CREB5: variants seen among roughly 807,000 people sequenced by gnomAD.
The protein encoded by CREB5 is cyclic AMP-responsive element-binding protein 5.
Under a neutral mutation model 57.1 loss-of-function variants are expected in CREB5, and 19 were observed. That is an observed-to-expected ratio of 0.33 (90% CI 0.23 to 0.49). The LOEUF (loss-of-function observed/expected upper bound fraction) is 0.49, where lower values mean the gene tolerates loss of function less well. Ranked by LOEUF, CREB5 falls within the 20% of genes least tolerant of loss-of-function variation. The pLI is 0.99. For missense variants in CREB5, 579 were observed against 671.6 expected, an observed-to-expected ratio of 0.86 and a Z score of 1.52; for synonymous variants, 238 against 238.3, an observed-to-expected ratio of 1.00 and a Z score of 0.01.
intron 4 of CREB5, among the ~76,000 whole-genome samples, chr7:28,537,464 GCA>G (rs1209966540): frequency 1.0e-5 from 1 of 95,260 alleles, no homozygotes; most frequent in East Asian, 3.3e-4. Flanking sequence ...CTCACCTGAT[GCA>G]AATGCCTCAG....
intron 3 of CREB5, among the ~76,000 whole-genome samples, chr7:28,502,098 AGCACT>A (rs977504638): frequency 6.6e-6 from 1 of 152,162 alleles, no homozygotes; most frequent in Admixed American, 6.5e-5. Context: ...GTCCCATTGT[AGCACT>A]GCCTTTCAGG....
At chr7:28,432,894 TTCATCCATA>T (rs1219495524) in intron 1 of CREB5, among the ~76,000 whole-genome samples, 1 of 152,244 alleles carries the variant, frequency 6.6e-6, no homozygotes, top group Non-Finnish European at 1.5e-5. Context: ...AATCTATGTC[TTCATCCATA>T]TCATCTAGCT....
intron 1 of CREB5, among the ~76,000 whole-genome samples, chr7:28,326,207 A>G (rs906587623): frequency 4.1e-5 from 5 of 121,652 alleles, no homozygotes; most frequent in African/African-American, 1.4e-4. Context: ...CTATCTATCT[A>G]TCTACCTATC....
chr7:28,346,322 GT>G (rs1161229946), intron 1 of CREB5, among the ~76,000 whole-genome samples: 1 of 152,222 alleles, frequency 6.6e-6, no homozygotes, highest in Non-Finnish European at 1.5e-5. Context: ...CTGAGGGCCT[GT>G]TCCCAGTTGG....
At chr7:28,560,875 CGTGCGTGCGT>C (rs66612473) in intron 4 of CREB5, among the ~76,000 whole-genome samples, 1 of 19,220 alleles carries the variant, frequency 5.2e-5, no homozygotes, top group Non-Finnish European at 9.9e-5. Context: ...CCTGCGTGCG[CGTGCGTGCGT>C]GCGTGTGTGT....
intron 4 of CREB5, among the ~76,000 whole-genome samples, chr7:28,555,445 C>A (rs551857686): frequency 6.6e-6 from 1 of 152,142 alleles, no homozygotes; most frequent in Non-Finnish European, 1.5e-5. Context: ...TTTAAAAAGG[C>A]GTTTTGTACT....
intron 6 of CREB5, 138 bp downstream of exon 6, chr7:28,719,017 G>C (rs1437217500): frequency 4.3e-6 from 6 of 1,394,960 alleles, no homozygotes; most frequent in Admixed American, 2.5e-5. Flanking sequence ...TGAGCTGTGT[G>C]CAATTTTGCT....
At chr7:28,641,206 G>A (rs1370908748) in intron 5 of CREB5, among the ~76,000 whole-genome samples, 1 of 152,128 alleles carries the variant, frequency 6.6e-6, no homozygotes, top group Non-Finnish European at 1.5e-5. Flanking sequence ...GATTCTCCCA[G>A]AACTCAGGAG....
intron 1 of CREB5, among the ~76,000 whole-genome samples, chr7:28,336,213 A>T (rs1354136121): frequency 2.0e-5 from 3 of 152,124 alleles, no homozygotes; most frequent in Non-Finnish European, 4.4e-5. Context: ...GCCTCTTAGA[A>T]TTAGTTTGAA....
chr7:28,620,177 C>T (rs941014655), intron 5 of CREB5, among the ~76,000 whole-genome samples: 4 of 152,286 alleles, frequency 2.6e-5, no homozygotes, highest in African/African-American at 9.6e-5. Flanking sequence ...ATAGATTCTT[C>T]TAGAAAAACT....
At chr7:28,666,915 A>AAG (rs1359851832) in intron 5 of CREB5, among the ~76,000 whole-genome samples, 1 of 151,818 alleles carries the variant, frequency 6.6e-6, no homozygotes, top group African/African-American at 2.4e-5. Flanking sequence ...GCCTGGACAA[A>AAG]AGAGAGAGAC....
At chr7:28,550,788 T>C (rs1283431439) in intron 4 of CREB5, among the ~76,000 whole-genome samples, 1 of 152,234 alleles carries the variant, frequency 6.6e-6, no homozygotes, top group Admixed American at 6.5e-5. Context: ...GTGAATGCGC[T>C]ATTAAGGGAC....
rs187122667 is a variant in CREB5, at chr7:28,721,116, C to T, written c.591+2237C>T. Among the ~76,000 whole-genome samples the T allele has an allele frequency of 4.4e-4, 67 of 152,230 alleles. No homozygotes were observed. In the South Asian group the frequency reaches 5.6e-3, roughly 13 times the overall value. ...GGCAATAGGCGTCAGTTTAGAGCAG[C>T]GATGCTCACCTGGGGGTGATTTTGT... On this transcript the variant is annotated intron_variant, in intron 6 of 10. Transcript: ENST00000357727.
chr7:28,405,729 A>G (rs1255136331), intron 1 of CREB5, among the ~76,000 whole-genome samples: 2 of 152,168 alleles, frequency 1.3e-5, no homozygotes, highest in East Asian at 1.9e-4. Flanking sequence ...GATCTCAAGC[A>G]TATGAACTTT....
chr7:28,720,360 A>T (rs1212410861), intron 6 of CREB5, among the ~76,000 whole-genome samples: 1 of 152,200 alleles, frequency 6.6e-6, no homozygotes, highest in African/African-American at 2.4e-5. Flanking sequence ...TCCTGTGGGG[A>T]TACAGTAGCA....
intron 2 of CREB5, among the ~76,000 whole-genome samples, chr7:28,489,800 G>T (rs868498499): frequency 6.6e-6 from 1 of 152,176 alleles, no homozygotes; most frequent in Non-Finnish European, 1.5e-5. Flanking sequence ...AATAAGAAGA[G>T]CAGTGCAAAA....
At chr7:28,328,261 A>G (rs1193393983) in intron 1 of CREB5, among the ~76,000 whole-genome samples, 5 of 152,224 alleles carry the variant, frequency 3.3e-5, no homozygotes, top group African/African-American at 1.2e-4. Flanking sequence ...CCTTCTTAGT[A>G]AAATCCAATT....
intron 1 of CREB5, among the ~76,000 whole-genome samples, chr7:28,301,396 G>A (rs1785096363): frequency 6.6e-6 from 1 of 152,198 alleles, no homozygotes; most frequent in African/African-American, 2.4e-5. Context: ...TGTTCATACA[G>A]ATCACCTGGG....
intron 5 of CREB5, among the ~76,000 whole-genome samples, chr7:28,587,500 TAAA>T (rs750878602): frequency 2.3e-5 from 2 of 87,664 alleles, no homozygotes; most frequent in Non-Finnish European, 4.2e-5. Context: ...CTTCGGGAGT[TAAA>T]AAAAATACAT....
Sources: allele counts gnomAD v4.1 joint callset (sites outside exome capture counted in the v4.1 genomes callset), GRCh38; gene constraint gnomAD v4.1.1; transcripts MANE v1.5; gene names NCBI Gene and HGNC (gene_info 2026-07-23, HGNC 2026-07-21).